The following LDLRAD4 variants were observed in gnomAD, a reference collection of about 807,000 sequenced individuals.
The protein encoded by LDLRAD4 is low density lipoprotein receptor class A domain containing 4.
LDLRAD4 carries 5 observed loss-of-function variants against 17.0 expected under a neutral mutation model. That is an observed-to-expected ratio of 0.29 (90% confidence interval 0.15 to 0.62). The LOEUF (loss-of-function observed/expected upper bound fraction) is 0.62, where lower values mean the gene tolerates loss of function less well. LDLRAD4 is among the 20% of genes least tolerant of loss of function. The probability of loss-of-function intolerance (pLI) is 0.84; values close to 1 mark genes in which losing one functional copy is unlikely to be tolerated. For missense variants in LDLRAD4, 340 were observed against 424.7 expected (o/e 0.80, Z 1.75); for synonymous variants, 168 against 171.8 (o/e 0.98, Z 0.17).
intron 3 of LDLRAD4, among the ~76,000 whole-genome samples, chr18:13,457,699 G>A (rs969241024): frequency 2.0e-5 from 3 of 152,086 alleles, no homozygotes; most frequent in Non-Finnish European, 4.4e-5. Context: ...TCCACATCAC[G>A]GCACCACCAC....
intron 3 of LDLRAD4, among the ~76,000 whole-genome samples, chr18:13,606,728 CA>C (rs1359748052): frequency 2.0e-5 from 3 of 152,186 alleles, no homozygotes; most frequent in African/African-American, 7.2e-5. Flanking sequence ...TTAAGCATAA[CA>C]AACTGACTTA....
At chr18:13,289,985 C>T (rs1311777520) in intron 1 of LDLRAD4, among the ~76,000 whole-genome samples, 4 of 152,202 alleles carry the variant, frequency 2.6e-5, no homozygotes, top group Admixed American at 2.0e-4. Flanking sequence ...TCCTGCCCTT[C>T]CCATACCCTG....
intron 3 of LDLRAD4, among the ~76,000 whole-genome samples, chr18:13,527,210 C>T (rs2094046820): frequency 6.6e-6 from 1 of 152,244 alleles, no homozygotes; most frequent in Admixed American, 6.5e-5. Flanking sequence ...TTTAATGGTG[C>T]TCAGAAAATA....
intron 1 of LDLRAD4, among the ~76,000 whole-genome samples, chr18:13,310,206 C>A (rs1869496): frequency 6.8e-6 from 1 of 147,500 alleles, no homozygotes; most frequent in African/African-American, 2.5e-5. Flanking sequence ...AAAAATTAGC[C>A]GGGTGTGGTG....
chr18:13,632,052 C>T (rs2148896340), intron 4 of LDLRAD4, among the ~76,000 whole-genome samples: 1 of 152,358 alleles, frequency 6.6e-6, no homozygotes, highest in Non-Finnish European at 1.5e-5. Context: ...CAGTCAGTGT[C>T]ATACACTACA....
At chr18:13,237,165 C>A (rs1466238777) in intron 1 of LDLRAD4, among the ~76,000 whole-genome samples, 5 of 152,202 alleles carry the variant, frequency 3.3e-5, no homozygotes, top group Non-Finnish European at 7.3e-5. Context: ...TTGGCCAGTC[C>A]GAGTCCTGCT....
At chr18:13,233,134 C>T (rs986123777) in intron 1 of LDLRAD4, among the ~76,000 whole-genome samples, 3 of 152,268 alleles carry the variant, frequency 2.0e-5, no homozygotes, top group Non-Finnish European at 2.9e-5. Flanking sequence ...GGCGCCACCT[C>T]TTTGCAGGCG....
At chr18:13,385,803 G>GA (rs1264087392) in intron 1 of LDLRAD4, among the ~76,000 whole-genome samples, 8 of 152,048 alleles carry the variant, frequency 5.3e-5, no homozygotes, top group Non-Finnish European at 8.8e-5. Context: ...AGAATTCAGA[G>GA]AAAAAATGTT....
At chr18:13,335,281 T>C (rs1036915308) in intron 1 of LDLRAD4, among the ~76,000 whole-genome samples, 1 of 152,236 alleles carries the variant, frequency 6.6e-6, no homozygotes, top group Non-Finnish European at 1.5e-5. Flanking sequence ...TCTTCCTTCC[T>C]ATCCCCTCAC....
At chr18:13,377,485 G>A (rs2085008203) in intron 1 of LDLRAD4, among the ~76,000 whole-genome samples, 1 of 152,134 alleles carries the variant, frequency 6.6e-6, no homozygotes, top group South Asian at 2.1e-4. Context: ...GACTTTCCTA[G>A]GGTGGCACGC....
chr18:13,386,938 AGAT>A (rs1568082872), intron 1 of LDLRAD4, among the ~76,000 whole-genome samples: 2 of 128,316 alleles, frequency 1.6e-5, no homozygotes, highest in African/African-American at 6.5e-5. Flanking sequence ...ATAGATAGAT[AGAT>A]AGATAGATGG....
intron 3 of LDLRAD4, chr18:13,460,879 A>G (rs781278921): frequency 1.3e-5 from 2 of 152,224 alleles, no homozygotes; most frequent in Non-Finnish European, 2.9e-5. Context: ...CTTTTCTTCC[A>G]ACACCAAATG....
intron 3 of LDLRAD4, among the ~76,000 whole-genome samples, chr18:13,480,069 A>G (rs750880036): frequency 2.6e-5 from 4 of 152,232 alleles, no homozygotes; most frequent in Non-Finnish European, 5.9e-5. Flanking sequence ...CGGTATTTAC[A>G]CAGAGGAATT....
exon 3 of LDLRAD4, chr18:13,438,248 C>T (rs748652072): frequency 6.2e-6 from 10 of 1,613,842 alleles, no homozygotes; most frequent in South Asian, 2.2e-5. Context: ...TTTCAGAGTG[C>T]AAATTCACCT....
intron 3 of LDLRAD4, among the ~76,000 whole-genome samples, chr18:13,476,522 G>T (rs1568218683): frequency 6.6e-6 from 1 of 151,902 alleles, no homozygotes; most frequent in African/African-American, 2.4e-5. Context: ...TGCTCAGGAG[G>T]CTGAGGTGGG....
chr18:13,576,588 A>C (rs761177480), intron 3 of LDLRAD4, among the ~76,000 whole-genome samples: 2 of 152,318 alleles, frequency 1.3e-5, no homozygotes, highest in East Asian at 1.9e-4. Flanking sequence ...TAAGCTTAGG[A>C]GCTGGAGGGT....
intron 1 of LDLRAD4, among the ~76,000 whole-genome samples, chr18:13,303,254 T>C (rs1407251637): frequency 6.6e-6 from 1 of 152,116 alleles, no homozygotes; most frequent in Non-Finnish European, 1.5e-5. Context: ...GAAGACAATT[T>C]TTTTTCCCTA....
At chr18:13,374,945 C>T (rs1432694505) in intron 1 of LDLRAD4, among the ~76,000 whole-genome samples, 1 of 152,166 alleles carries the variant, frequency 6.6e-6, no homozygotes, top group Admixed American at 6.5e-5. Flanking sequence ...TGGAGATTTG[C>T]AGGCGTCTAG....
At chr18:13,332,619 C>T (rs2081921729) in intron 1 of LDLRAD4, among the ~76,000 whole-genome samples, 1 of 152,192 alleles carries the variant, frequency 6.6e-6, no homozygotes, top group East Asian at 1.9e-4. Context: ...ATAGTTTTGC[C>T]TTTTCCAGAA....
Sources: gnomAD v4.1 joint callset for allele counts (sites outside exome capture counted in the v4.1 genomes callset) on GRCh38, gnomAD v4.1.1 for gene constraint, MANE v1.5 for transcripts, NCBI Gene and HGNC (gene_info 2026-07-23, HGNC 2026-07-21) for gene names.